The following NBPF8 variants were observed in gnomAD, a reference collection of about 807,000 sequenced individuals.
The protein encoded by NBPF8 is NBPF family member NBPF8.
In NBPF8 at chr1:120,452,079, C is replaced by G. The variant is rs1553248914; in HGVS notation, n.2075-38C>G. Reference sequence around the variant, plus strand: ...CAATATTTGAGCGGATCACTCAACCCTTTCCACTCTTAAATTTTCTCTACC... The same window carrying G: ...CAATATTTGAGCGGATCACTCAACCGTTTCCACTCTTAAATTTTCTCTACC... On this transcript the variant is annotated intron_variant and non_coding_transcript_variant, in intron 12 of 24. Coordinates refer to ENST00000583271, the Ensembl canonical transcript of NBPF8. The G allele has an allele frequency of 1.3e-5, 19 of 1,442,242 alleles. No homozygotes were observed. In the Admixed American group the frequency reaches 1.3e-4, roughly 10 times the overall value. The allele number at this position is 1,442,242 out of a possible 1,614,324, so 89.3% of individuals were successfully genotyped here.
At chr1:120,449,636 T>C (rs1434242016) in intron 11 of NBPF8, among the ~76,000 whole-genome samples, 2 of 152,204 alleles carry the variant, frequency 1.3e-5, no homozygotes, top group African/African-American at 2.4e-5. Flanking sequence ...CTGCCATTTA[T>C]TGATTTCTGA....
At chr1:120,424,525 GCAACCTCCACCTC>G (rs1344123428) in intron 1 of NBPF8, among the ~76,000 whole-genome samples, 1 of 152,026 alleles carries the variant, frequency 6.6e-6, no homozygotes, top group Non-Finnish European at 1.5e-5. Context: ...TCAGCTCACT[GCAACCTCCACCTC>G]CTGAGTTCAA....
At chr1:120,432,256 T>C (rs1218435025), upstream of NBPF8, 7 of 127,448 alleles carry the variant, frequency 5.5e-5, no homozygotes, top group African/African-American at 2.2e-4. Context: ...TAATACTAAA[T>C]GGCTCCTGTT....
intron 3 of NBPF8, among the ~76,000 whole-genome samples, chr1:120,428,943 CTT>C (rs1464573962): frequency 6.7e-6 from 1 of 150,126 alleles, no homozygotes; most frequent in Non-Finnish European, 1.5e-5. Flanking sequence ...TGAACACAGA[CTT>C]GGGGATATTA....
chr1:120,468,908 C>G (rs1661826525), downstream of NBPF8, among the ~76,000 whole-genome samples: 1 of 151,916 alleles, frequency 6.6e-6, no homozygotes, highest in Admixed American at 6.6e-5. Flanking sequence ...AGAAAATCAC[C>G]TGAGGGCCAC....
upstream of NBPF8, chr1:120,436,264 T>A (rs1490856732): frequency 6.7e-6 from 5 of 743,444 alleles, no homozygotes; most frequent in Middle Eastern, 3.8e-4. Flanking sequence ...ACAATCTACC[T>A]CACTCTTATC....
At chr1:120,424,117 A>T (rs1660644454) in intron 1 of NBPF8, among the ~76,000 whole-genome samples, 1 of 152,224 alleles carries the variant, frequency 6.6e-6, no homozygotes, top group African/African-American at 2.4e-5. Flanking sequence ...CCTGGTCCCC[A>T]TGACTGGGTC....
intron 8 of NBPF8, among the ~76,000 whole-genome samples, chr1:120,446,198 G>A (rs1224985632): frequency 6.6e-6 from 1 of 150,936 alleles, no homozygotes; most frequent in Non-Finnish European, 1.5e-5. Flanking sequence ...TAAGAACAGA[G>A]ATGGGAAACC....
At chr1:120,461,174 T>C (rs1300353584) in intron 18 of NBPF8, 80 bp from the exon 17 acceptor site, 11 of 612,656 alleles carry the variant, frequency 1.8e-5, no homozygotes, top group African/African-American at 6.4e-5. Context: ...CTCTTCCTTA[T>C]GTTAGCCATG....
downstream of NBPF8, chr1:120,467,757 G>GT (rs1327109780): frequency 1.1e-4 from 17 of 152,224 alleles, no homozygotes; most frequent in East Asian, 3.9e-4. Context: ...CTTTTGGATT[G>GT]TTTTTCACAT....
intron 1 of NBPF8, among the ~76,000 whole-genome samples, chr1:120,424,736 C>A (rs1271330088): frequency 6.9e-6 from 1 of 144,112 alleles, no homozygotes; most frequent in African/African-American, 2.6e-5. Flanking sequence ...ACACGAGCCA[C>A]GGCCTGACCT....
At position 120,427,829 on chromosome 1, in the gene NBPF8, T is replaced by C. The variant is rs1380337222; in HGVS notation, n.492T>C. On this transcript the variant is annotated non_coding_transcript_exon_variant, in exon 3 of 29. It removes an upstream start codon present in the reference 5' UTR. Coordinates refer to the NBPF8 transcript ENST00000652355. ...GAAGCAGCCGCCAGTTGGGATCAAATGTGAGCCTATGGATCAAGGTGCGTA... is the reference window on the plus strand; with the variant it reads ...GAAGCAGCCGCCAGTTGGGATCAAACGTGAGCCTATGGATCAAGGTGCGTA... 6.9e-5 allele frequency among the ~76,000 whole-genome samples: 10 copies of C among 145,070 alleles called. No homozygotes were observed. Among genetic ancestry groups the C allele is most frequent in the African/African-American group, 2.6e-4 (10 of 38,742 alleles).
chr1:120,469,243 A>G (rs1348152870), downstream of NBPF8, among the ~76,000 whole-genome samples: 3 of 139,280 alleles, frequency 2.2e-5, no homozygotes, highest in African/African-American at 8.2e-5. Flanking sequence ...TTCTGAGATT[A>G]TGGAGGCTGA....
rs2101701475 is a variant in NBPF8, at chr1:120,464,570, T to C, written n.3459+22T>C. 6.5e-6 allele frequency: 5 copies of C among 773,260 alleles called. No individual in the cohort carries two copies. The East Asian group carries it at 9.8e-5, about 15-fold the overall frequency. The allele number at this position is 773,260 out of a possible 1,614,324, so 47.9% of individuals were successfully genotyped here. Reference sequence around the variant, plus strand: ...GGAGGTGAGTACCTTTCTATGAAGGTGATAAGGATCCACTGAGTCTTCCAT... The same window carrying C: ...GGAGGTGAGTACCTTTCTATGAAGGCGATAAGGATCCACTGAGTCTTCCAT... On this transcript the variant is annotated intron_variant and non_coding_transcript_variant, in intron 23 of 24. Coordinates refer to ENST00000583271, the Ensembl canonical transcript of NBPF8.
intron 17 of NBPF8, among the ~76,000 whole-genome samples, chr1:120,460,267 G>A (rs1661542416): frequency 1.3e-5 from 2 of 152,194 alleles, no homozygotes; most frequent in South Asian, 4.2e-4. Context: ...TCTCCTATGA[G>A]GTGTTAGAAC....
At chr1:120,416,332 C>T (rs1222362155), upstream of NBPF8, among the ~76,000 whole-genome samples, 6 of 122,314 alleles carry the variant, frequency 4.9e-5, no homozygotes, top group Middle Eastern at 3.7e-3. Context: ...GGTCCGGGCG[C>T]GGTAGATCAC....
At chr1:120,446,303 A>G (rs1428106793) in intron 8 of NBPF8, among the ~76,000 whole-genome samples, 2 of 58,524 alleles carry the variant, frequency 3.4e-5, no homozygotes, top group African/African-American at 1.5e-4. Context: ...GTTTTAAAGG[A>G]CAAGAAGGAG....
chr1:120,454,604 C>T (rs1424484966), intron 15 of NBPF8, among the ~76,000 whole-genome samples: 1 of 149,908 alleles, frequency 6.7e-6, no homozygotes, highest in Non-Finnish European at 1.5e-5. Context: ...AACTTTTCTT[C>T]TTTACTTTGC....
chr1:120,463,084 A>G (rs1455292663), intron 21 of NBPF8, 118 bp downstream of exon 19: 3 of 686,308 alleles, frequency 4.4e-6, no homozygotes, highest in South Asian at 1.6e-5. Flanking sequence ...GGCAGGACCT[A>G]TGGGCGCATA....
Sources: gnomAD v4.1 joint callset for allele counts (sites outside exome capture counted in the v4.1 genomes callset) on GRCh38, gnomAD v4.1.1 for gene constraint, MANE v1.5 for transcripts, NCBI Gene and HGNC (gene_info 2026-07-23, HGNC 2026-07-21) for gene names.